BICRA: variants seen among roughly 807,000 people sequenced by gnomAD.
The protein encoded by BICRA is BRD4 interacting chromatin remodeling complex associated protein.
A neutral mutation model predicts 96.9 loss-of-function variants in BICRA; 31 were observed. The observed-to-expected ratio is 0.32, with a 90% CI of 0.24 to 0.43. The LOEUF (loss-of-function observed/expected upper bound fraction) is 0.43. Ranked by LOEUF, BICRA falls within the 20% of genes least tolerant of loss-of-function variation. The pLI is 1.00. For synonymous variants in BICRA, 1,350 were observed against 1,071.8 expected, an observed-to-expected ratio of 1.26 and a Z score of -5.07; for missense variants, 2,283 against 2,190.3, an observed-to-expected ratio of 1.04 and a Z score of -0.84.
chr19:47,676,615 C>T (rs1393893356), intron 5 of BICRA, among the ~76,000 whole-genome samples: 1 of 144,288 alleles, frequency 6.9e-6, no homozygotes, highest in East Asian at 2.1e-4. Flanking sequence ...CTCACCCTCC[C>T]CGCCTTCCCT....
In BICRA at chr19:47,702,843, AGTCTCAGCCTCTCCCCGCC is replaced by A. The variant is rs1460782218; in HGVS notation, c.*430_*448del. 1.1e-5 allele frequency: 2 copies of A among 183,300 alleles called. No homozygotes were observed. The highest frequency in any genetic ancestry group is 2.2e-5 in the Non-Finnish European group (2 of 89,594). 11.4% of individuals were successfully genotyped at this position (183,300 alleles called of 1,614,324 possible). A position where few individuals can be genotyped will look rare whatever the true frequency, so the allele number is the denominator to read the frequency against. On this transcript the variant is annotated 3_prime_UTR_variant, in exon 15 of 15. Transcript: ENST00000594866. ...GGGAGCTGGCAGGGTCCTTCCAGAC[AGTCTCAGCCTCTCCCCGCC>A]GCCCCCAACAGGCTGTCAAACAAAA... is the stretch of plus-strand genomic sequence containing the variant.
At chr19:47,643,170 A>G (rs1205463101) in intron 1 of BICRA, among the ~76,000 whole-genome samples, 1 of 152,224 alleles carries the variant, frequency 6.6e-6, no homozygotes, top group Admixed American at 6.5e-5. Context: ...AGGTTTCGCC[A>G]TGTTGGCCGA....
chr19:47,608,619 C>A (rs1028794157), upstream of BICRA, among the ~76,000 whole-genome samples: 1 of 152,068 alleles, frequency 6.6e-6, no homozygotes, highest in Non-Finnish European at 1.5e-5. Context: ...TCGAGGCAGT[C>A]GACAAACTAC....
At chr19:47,695,267 G>A in intron 9 of BICRA, 98 bp from the exon 10 acceptor site, 1 of 774,302 alleles carries the variant, frequency 1.3e-6, no homozygotes, top group East Asian at 2.7e-5. Flanking sequence ...GGAGGGCCAG[G>A]AGGAGAGCGG....
At position 47,680,752 on chromosome 19, in the gene BICRA, C is replaced by G. The variant is rs768456249; in HGVS notation, c.1582C>G (p.Pro528Ala). 6.2e-7 allele frequency: 1 copy of G among 1,608,872 alleles called. No individual in the cohort carries two copies. Among genetic ancestry groups the G allele is most frequent in the Non-Finnish European group, 8.5e-7 (1 of 1,178,288 alleles). The stretch of plus-strand genomic sequence containing the variant: ...CCTGGCGGGCCCACTGAGCCTGGGC[C>G]CCGTGTTGGCCCCCCACTCCGGGGC... ...QNLAGPLSLG[P>A]VLAPHSGAHS... The change falls in exon 6 of 15, where the codon CCC becomes GCC. Residue 528 changes from proline to alanine, a missense_variant. By Grantham distance (27) the Pro-to-Ala change is conservative. Coordinates refer to ENST00000594866, the MANE Select transcript of BICRA (RefSeq NM_001394372.1).
chr19:47,660,245 C>T (rs954912707), intron 1 of BICRA, among the ~76,000 whole-genome samples: 21 of 152,088 alleles, frequency 1.4e-4, no homozygotes, highest in Non-Finnish European at 2.9e-5. Context: ...GTCCTTGGCT[C>T]GTAGCCACGT....
At chr19:47,617,268 C>T (rs1971999094) in intron 1 of BICRA, among the ~76,000 whole-genome samples, 2 of 152,166 alleles carry the variant, frequency 1.3e-5, no homozygotes, top group Non-Finnish European at 2.9e-5. Flanking sequence ...AGCAACTGCA[C>T]CTGGCCGTCT....
intron 1 of BICRA, among the ~76,000 whole-genome samples, chr19:47,612,095 T>G (rs1971916173): frequency 1.3e-5 from 2 of 152,102 alleles, no homozygotes; most frequent in African/African-American, 4.8e-5. Context: ...GGTCTTGAGG[T>G]CCTGACCTCA....
At chr19:47,670,868 A>G (rs745638049) in intron 2 of BICRA, among the ~76,000 whole-genome samples, 2 of 152,100 alleles carry the variant, frequency 1.3e-5, no homozygotes, top group Non-Finnish European at 2.9e-5. Flanking sequence ...ACCTGGTGAC[A>G]CAGGGGGAGG....
At chr19:47,672,253 GTAGATGGA>G (rs1033129584) in intron 2 of BICRA, among the ~76,000 whole-genome samples, 1 of 148,192 alleles carries the variant, frequency 6.7e-6, no homozygotes, top group Non-Finnish European at 1.5e-5. Context: ...GGATGGGTGG[GTAGATGGA>G]TGGAAGGATG....
intron 7 of BICRA, among the ~76,000 whole-genome samples, 156 bp downstream of exon 7, chr19:47,682,308 C>T (rs967669324): frequency 3.3e-5 from 5 of 152,210 alleles, no homozygotes; most frequent in African/African-American, 1.2e-4. Context: ...TCCTAGTGAT[C>T]ATGGATGCCT....
chr19:47,661,967 GAATT>G (rs1337716959), intron 1 of BICRA: 1 of 152,104 alleles, frequency 6.6e-6, no homozygotes, highest in Admixed American at 6.6e-5. Flanking sequence ...TCTCTGCAAA[GAATT>G]AACCAGGTGT....
At chr19:47,690,142 C>T (rs1973219282) in intron 7 of BICRA, among the ~76,000 whole-genome samples, 1 of 152,080 alleles carries the variant, frequency 6.6e-6, no homozygotes, top group Admixed American at 6.6e-5. Context: ...GCTGGGATTA[C>T]AGGTGCACGC....
intron 7 of BICRA, among the ~76,000 whole-genome samples, chr19:47,689,600 CAG>C (rs1428035330): frequency 6.6e-6 from 1 of 152,106 alleles, no homozygotes; most frequent in Non-Finnish European, 1.5e-5. Flanking sequence ...TTAGTAGAGA[CAG>C]GGTTTCGCCA....
In BICRA at chr19:47,669,418, C is replaced by A. The variant is rs975554976; in HGVS notation, c.-107-1025C>A. Among the ~76,000 whole-genome samples the A allele has an allele frequency of 1.6e-4, 25 of 152,140 alleles. No individual in the cohort carries two copies. The East Asian group carries it at 4.5e-3, about 27-fold the overall frequency. On this transcript the variant is annotated intron_variant, in intron 1 of 14. Coordinates refer to ENST00000594866, the MANE Select transcript of BICRA (RefSeq NM_001394372.1). Reference sequence around the variant, plus strand: ...TGTATTTTCCCCAGGAGTGGCAGCTCAGCGTTCACGGTGACTTTCTAGAAC... The same window carrying A: ...TGTATTTTCCCCAGGAGTGGCAGCTAAGCGTTCACGGTGACTTTCTAGAAC...
At chr19:47,609,449 C>T (rs1971862010) in intron 1 of BICRA, among the ~76,000 whole-genome samples, 2 of 133,956 alleles carry the variant, frequency 1.5e-5, no homozygotes, top group Admixed American at 1.5e-4. Flanking sequence ...GTCTCTTCCA[C>T]CACCGCCGCC....
intron 1 of BICRA, among the ~76,000 whole-genome samples, chr19:47,655,602 C>G (rs1357491352): frequency 6.6e-6 from 1 of 151,104 alleles, no homozygotes; most frequent in Admixed American, 6.6e-5. Context: ...CCTGTAATCC[C>G]AGCACTTTGG....
chr19:47,617,394 C>T (rs917844642), intron 1 of BICRA, among the ~76,000 whole-genome samples: 1 of 151,332 alleles, frequency 6.6e-6, no homozygotes, highest in Admixed American at 6.6e-5. Flanking sequence ...GACAGGCTCT[C>T]ACTGTGTCAC....
rs1317919732 is a variant in BICRA, at chr19:47,630,620, C to G, written c.-108+21452C>G. ...CTTTTTTTGTGGCTAAGTTCATCTT[C>G]CATTGGATGGATAGACCACATTTGG... is the stretch of plus-strand genomic sequence containing the variant. On this transcript the variant is annotated intron_variant, in intron 1 of 14. Transcript: ENST00000594866. Among the ~76,000 whole-genome samples, 3 of 152,110 alleles carry G rather than the reference C, an allele frequency of 2.0e-5. No homozygotes were observed. The East Asian group carries it at 5.8e-4, about 29-fold the overall frequency.
Sources: gnomAD v4.1 joint callset for allele counts (sites outside exome capture counted in the v4.1 genomes callset) on GRCh38, gnomAD v4.1.1 for gene constraint, MANE v1.5 for transcripts, NCBI Gene and HGNC (gene_info 2026-07-23, HGNC 2026-07-21) for gene names.